POLR1C: variants seen among roughly 807,000 people sequenced by gnomAD.
POLR1C encodes the protein RNA polymerase I and III subunit C, also known as DNA-directed RNA polymerases I and III subunit RPAC1.
POLR1C carries 42 observed loss-of-function variants against 38.3 expected under a neutral mutation model. That is an observed-to-expected ratio of 1.10 (90% CI 0.86 to 1.42). The LOEUF is 1.42. POLR1C is among the 40% of genes most tolerant of loss of function. The pLI, the probability that POLR1C is intolerant of heterozygous loss-of-function variation, is 0.00. For synonymous variants in POLR1C, 163 were observed against 163.9 expected (o/e 0.99, Z 0.04); for missense variants, 507 against 450.5 (o/e 1.13, Z -1.14).
chr6:43,539,793 G>A (rs1253522905), intron 9 of POLR1C: 1 of 563,940 alleles, frequency 1.8e-6, no homozygotes, highest in African/African-American at 1.9e-5. Flanking sequence ...GAAGGTCTGG[G>A]AGAACTCCCA....
At chr6:43,536,787 A>AAAAAAAAG (rs1561869430) in intron 9 of POLR1C, among the ~76,000 whole-genome samples, 8 of 148,472 alleles carry the variant, frequency 5.4e-5, no homozygotes, top group African/African-American at 1.5e-4. Flanking sequence ...AAAAAAAAAA[A>AAAAAAAAG]AAAGCAGCTT....
At chr6:43,525,910 T>C, downstream of POLR1C, 1 of 1,614,004 alleles carries the variant, frequency 6.2e-7, no homozygotes, top group Non-Finnish European at 8.5e-7. Context: ...TCTGTGGCCA[T>C]CATTTCTTCA....
At chr6:43,549,794 T>C (rs1795141434) in intron 9 of POLR1C, 2 of 1,330,044 alleles carry the variant, frequency 1.5e-6, no homozygotes, top group East Asian at 2.5e-5. Flanking sequence ...CCACCCTTAC[T>C]ACCCCCTCCC....
In POLR1C at chr6:43,520,759, G is replaced by C; in HGVS notation, c.790G>C (p.Val264Leu). Residue 264 changes from valine (V) to leucine (L), a missense_variant, in exon 7 of 9, where the codon GTG becomes CTG. Coordinates refer to ENST00000642195, the MANE Select transcript of POLR1C (RefSeq NM_203290.4). The part of the protein sequence containing the change: ...SRCFSPGVIE[V>L]QEVQGKKVAR... The stretch of plus-strand genomic sequence containing the variant: ...GTGCTTCTCACCTGGTGTTATTGAG[G>C]TGCAGGAAGTCCAAGGTATGGTATT... The C allele has an allele frequency of 6.2e-7, 1 of 1,614,078 alleles. No individual in the cohort carries two copies. Among genetic ancestry groups the C allele is most frequent in the Non-Finnish European group, 8.5e-7 (1 of 1,180,002 alleles).
chr6:43,544,117 T>C (rs1379171682), intron 9 of POLR1C: 1 of 152,834 alleles, frequency 6.5e-6, no homozygotes, highest in Non-Finnish European at 1.5e-5. Context: ...CACTGAACTC[T>C]TAGAAAAGTA....
At chr6:43,550,302 T>C (rs1003145998) in intron 9 of POLR1C, among the ~76,000 whole-genome samples, 15 of 152,222 alleles carry the variant, frequency 9.9e-5, no homozygotes, top group African/African-American at 3.6e-4. Flanking sequence ...CAATGAAATA[T>C]GGCTGCTTAC....
At chr6:43,530,422 CAA>C (rs780873253), downstream of POLR1C, among the ~76,000 whole-genome samples, 4 of 130,232 alleles carry the variant, frequency 3.1e-5, no homozygotes, top group Non-Finnish European at 5.0e-5. Flanking sequence ...AAGACTGTCT[CAA>C]AAAAAAAAAA....
intron 8 of POLR1C, chr6:43,526,793 T>G: frequency 6.3e-7 from 1 of 1,583,168 alleles, no homozygotes; most frequent in Non-Finnish European, 8.6e-7. Context: ...GGGTATATAC[T>G]ACCACAACAG....
intron 9 of POLR1C, chr6:43,549,757 T>C: frequency 8.6e-7 from 1 of 1,164,564 alleles, no homozygotes; most frequent in South Asian, 1.5e-5. Flanking sequence ...TGCCCTATAG[T>C]GGCAAAACAA....
intron 9 of POLR1C, chr6:43,547,742 T>C (rs757738706): frequency 5.7e-6 from 9 of 1,591,696 alleles, no homozygotes; most frequent in East Asian, 4.5e-5. Context: ...AGTTACATCA[T>C]GACTTTAAAC....
intron 8 of POLR1C, chr6:43,526,545 G>T: frequency 1.1e-6 from 1 of 920,622 alleles, no homozygotes; most frequent in Non-Finnish European, 1.7e-6. Context: ...GAGGCACACA[G>T]CAAGAGGGCT....
downstream of POLR1C, chr6:43,523,349 G>A: frequency 3.7e-6 from 1 of 273,952 alleles, no homozygotes; most frequent in South Asian, 3.9e-5. Context: ...TCAGCACTTA[G>A]CACCTAACCC....
chr6:43,551,335 G>A (rs2127732874), intron 10 of POLR1C: 2 of 1,613,912 alleles, frequency 1.2e-6, no homozygotes, highest in Non-Finnish European at 8.5e-7. Context: ...TGGTCTGTAG[G>A]TGACAAATGG....
chr6:43,519,841 G>A lies in POLR1C; in HGVS notation c.382+3G>A, dbSNP rs1330520487. The A allele has an allele frequency of 1.1e-5, 17 of 1,613,624 alleles. No homozygotes were observed. The highest frequency in any genetic ancestry group is 1.4e-5 in the Non-Finnish European group (17 of 1,179,816). ...TCTTTTTGAGTATCGGAACCAAGGT[G>A]AGAAAATGAAATTTTGGGAGAAGTG... is the stretch of plus-strand genomic sequence containing the variant. On this transcript the variant is annotated splice_donor_region_variant and intron_variant, in intron 4 of 8. Coordinates refer to ENST00000642195, the MANE Select transcript of POLR1C (RefSeq NM_203290.4).
chr6:43,560,612 A>G (rs1762368483), intron 10 of POLR1C, among the ~76,000 whole-genome samples: 2 of 152,242 alleles, frequency 1.3e-5, no homozygotes, highest in South Asian at 4.1e-4. Context: ...AATTAATTTT[A>G]TAATACAATT....
chr6:43,539,791 G>C (rs1455562556), intron 9 of POLR1C: 1 of 565,108 alleles, frequency 1.8e-6, no homozygotes, highest in East Asian at 2.9e-5. Flanking sequence ...TTGAAGGTCT[G>C]GGAGAACTCC....
chr6:43,526,041 G>T, downstream of POLR1C: 3 of 1,078,850 alleles, frequency 2.8e-6, no homozygotes, highest in Non-Finnish European at 2.7e-6. Context: ...TGGTGGCTAA[G>T]TAGTACTAGG....
chr6:43,524,426 A>AT, downstream of POLR1C: 1 of 1,591,824 alleles, frequency 6.3e-7, no homozygotes, highest in Non-Finnish European at 8.6e-7. Context: ...CATACACATG[A>AT]TTTAAGAAGG....
chr6:43,548,662 G>T (rs1284172096), intron 9 of POLR1C, among the ~76,000 whole-genome samples: 2 of 151,826 alleles, frequency 1.3e-5, no homozygotes, highest in Non-Finnish European at 2.9e-5. Flanking sequence ...CTCTTGTCTT[G>T]AGTATTTGGA....
Sources: allele counts gnomAD v4.1 joint callset (sites outside exome capture counted in the v4.1 genomes callset), GRCh38; gene constraint gnomAD v4.1.1; transcripts MANE v1.5; gene names NCBI Gene and HGNC (gene_info 2026-07-23, HGNC 2026-07-21).